Variants in LRP1B observed in about 807,000 individuals in gnomAD.
LRP1B encodes the protein low-density lipoprotein receptor-related protein 1B.
A neutral mutation model predicts 556.6 loss-of-function variants in LRP1B; 217 were observed. The observed-to-expected ratio is 0.39, with a 90% CI of 0.35 to 0.44. The LOEUF is 0.44. Ranked by LOEUF, LRP1B falls within the 20% of genes least tolerant of loss-of-function variation. The pLI is 1.00. For synonymous variants in LRP1B, 2,047 were observed against 1,865.8 expected (o/e 1.10, Z -2.50); for missense variants, 5,053 against 5,620.8 (o/e 0.90, Z 3.23).
At chr2:142,021,433 CA>C (rs1354229800) in intron 1 of LRP1B, among the ~76,000 whole-genome samples, 24 of 151,922 alleles carry the variant, frequency 1.6e-4, no homozygotes, top group African/African-American at 5.8e-4. Flanking sequence ...CAGATGAGCA[CA>C]AAAGTACTAG....
chr2:141,715,878 G>C (rs984690269), intron 2 of LRP1B, among the ~76,000 whole-genome samples: 2 of 152,042 alleles, frequency 1.3e-5, no homozygotes, highest in African/African-American at 4.8e-5. Context: ...CAAAAACCTA[G>C]TAATTGTTTC....
In LRP1B at chr2:140,350,781, A is replaced by C; in HGVS notation, c.11892+16T>G. 4 of 1,605,808 alleles carry C rather than the reference A, an allele frequency of 2.5e-6. No individual in the cohort carries two copies. In the South Asian group the frequency reaches 3.4e-5, roughly 13 times the overall value. On this transcript the variant is annotated intron_variant, in intron 77 of 90. Transcript: ENST00000389484. ...AAAAGGTATGGACTTTCAAATATAC[A>C]ATGGTATTTACTTACAATCAAGCCA...
At chr2:140,428,375 C>T (rs1685757402) in intron 66 of LRP1B, among the ~76,000 whole-genome samples, 1 of 152,168 alleles carries the variant, frequency 6.6e-6, no homozygotes, top group African/African-American at 2.4e-5. Context: ...CCGCAGTGGC[C>T]AGGTATTCCT....
rs1419893104 is a variant in LRP1B, at chr2:141,032,897, C to G, written c.1790-12795G>C. Among the ~76,000 whole-genome samples, 2 of 146,236 alleles carry G rather than the reference C, an allele frequency of 1.4e-5. 1 individual carries two copies. Among genetic ancestry groups the G allele is most frequent in the Middle Eastern group, 6.9e-3 (2 of 288 alleles). On this transcript the variant is annotated intron_variant, in intron 11 of 90. Transcript: ENST00000389484. ...CATTGCTTAGAAAATGTTTGCATCC[C>G]AGAACCATTAAAAAATACATATTTC...
At chr2:140,479,366 A>C (rs191260863) in intron 59 of LRP1B, among the ~76,000 whole-genome samples, 40 of 152,316 alleles carry the variant, frequency 2.6e-4, no homozygotes, top group East Asian at 2.3e-3. Flanking sequence ...AAATGTTGAA[A>C]GAAGAGATCT....
Position 140,672,593 on chromosome 2 carries a change from T to C in LRP1B, c.6799+27657A>G, listed in dbSNP as rs183877970. ...TGGGAAAAATTCTCTGTGGCTCAAATATCTGCCTTCTCTACCTTTCACTCT... is the reference window on the plus strand; with the variant it reads ...TGGGAAAAATTCTCTGTGGCTCAAACATCTGCCTTCTCTACCTTTCACTCT... On this transcript the variant is annotated intron_variant, in intron 41 of 90. Transcript: ENST00000389484. Among the ~76,000 whole-genome samples the C allele has an allele frequency of 3.3e-5, 5 of 151,526 alleles. No individual in the cohort carries two copies. The East Asian group carries it at 9.8e-4, about 30-fold the overall frequency.
intron 3 of LRP1B, among the ~76,000 whole-genome samples, chr2:141,267,087 G>A (rs1409966239): frequency 6.6e-6 from 1 of 152,130 alleles, no homozygotes; most frequent in Non-Finnish European, 1.5e-5. Context: ...GAAGTACTTA[G>A]CTTGGCACAT....
At chr2:140,268,299 A>C (rs2104940331) in intron 86 of LRP1B, among the ~76,000 whole-genome samples, 2 of 152,036 alleles carry the variant, frequency 1.3e-5, no homozygotes, top group East Asian at 2.0e-4. Context: ...TGTTACTTGA[A>C]GTGTGGTCAA....
intron 1 of LRP1B, among the ~76,000 whole-genome samples, chr2:142,010,954 C>T (rs547948273): frequency 6.6e-6 from 1 of 152,276 alleles, no homozygotes; most frequent in South Asian, 2.1e-4. Context: ...AATTACGACT[C>T]CTTTCTTTTG....
intron 7 of LRP1B, among the ~76,000 whole-genome samples, chr2:141,072,093 C>T (rs1699661146): frequency 6.6e-6 from 1 of 152,042 alleles, no homozygotes; most frequent in South Asian, 2.1e-4. Flanking sequence ...TGATACAAAC[C>T]AACCTCCCCT....
At chr2:140,879,123 T>A (rs757313101) in intron 25 of LRP1B, among the ~76,000 whole-genome samples, 1 of 152,192 alleles carries the variant, frequency 6.6e-6, no homozygotes, top group African/African-American at 2.4e-5. Flanking sequence ...TACTTCCCAC[T>A]CTGCAATGAT....
chr2:140,639,874 C>T (rs1391322523), intron 41 of LRP1B, among the ~76,000 whole-genome samples: 1 of 152,154 alleles, frequency 6.6e-6, no homozygotes, highest in East Asian at 1.9e-4. Context: ...GGCCCACTTG[C>T]TTTTCCTTGA....
intron 3 of LRP1B, among the ~76,000 whole-genome samples, chr2:141,408,495 G>C (rs534742500): frequency 8.9e-4 from 135 of 152,134 alleles, no homozygotes; most frequent in African/African-American, 3.1e-3. Flanking sequence ...TCCAGGAATA[G>C]CTTCTTGAGA....
intron 22 of LRP1B, among the ~76,000 whole-genome samples, chr2:140,905,031 T>C (rs1694208768): frequency 6.6e-6 from 1 of 152,090 alleles, no homozygotes; most frequent in Non-Finnish European, 1.5e-5. Context: ...ACCTGTTGAT[T>C]CTTAGCCCTA....
At chr2:141,381,810 A>G (rs1242725037) in intron 3 of LRP1B, among the ~76,000 whole-genome samples, 1 of 152,106 alleles carries the variant, frequency 6.6e-6, no homozygotes, top group Non-Finnish European at 1.5e-5. Context: ...CTTCAAAAGG[A>G]AAAGGAGCTT....
chr2:141,987,745 T>G (rs1041755844), intron 1 of LRP1B, among the ~76,000 whole-genome samples: 4 of 151,900 alleles, frequency 2.6e-5, no homozygotes, highest in African/African-American at 7.2e-5. Flanking sequence ...CTTTACATTT[T>G]TTATTGTTTC....
At position 140,989,194 on chromosome 2, in the gene LRP1B, G is replaced by C. The variant is rs573698774; in HGVS notation, c.2770+338C>G. Among the ~76,000 whole-genome samples, 120 of 152,072 alleles carry C rather than the reference G, an allele frequency of 7.9e-4. 3 individuals carry two copies. The highest frequency in any genetic ancestry group is 3.7e-4 in the Non-Finnish European group (25 of 67,998). ...CAAGGTTAAAAAAAAAATCCTCCTT[G>C]TGAGATGGCCTATATCACAGCATGC... On this transcript the variant is annotated intron_variant, in intron 17 of 90. Transcript: ENST00000389484.
chr2:140,358,170 T>C (rs577888221), intron 73 of LRP1B, 54 bp from the exon 74 acceptor site: 673 of 1,538,220 alleles, frequency 4.4e-4, no homozygotes, highest in Non-Finnish European at 5.7e-4. Context: ...AACACTCTTA[T>C]TGAGCATGTA....
chr2:142,057,334 G>C (rs1360277039), intron 1 of LRP1B, among the ~76,000 whole-genome samples: 1 of 152,144 alleles, frequency 6.6e-6, no homozygotes, highest in African/African-American at 2.4e-5. Context: ...TCAGGGCCAT[G>C]AAATCAGCAG....
Sources: allele counts gnomAD v4.1 joint callset (sites outside exome capture counted in the v4.1 genomes callset), GRCh38; gene constraint gnomAD v4.1.1; transcripts MANE v1.5; gene names NCBI Gene and HGNC (gene_info 2026-07-23, HGNC 2026-07-21).